The following ITPR1 variants were observed in gnomAD, a reference collection of about 807,000 sequenced individuals.
ITPR1 encodes the protein inositol 1,4,5-trisphosphate-gated calcium channel ITPR1.
ITPR1 carries 96 observed loss-of-function variants against 318.4 expected under a neutral mutation model. That is an observed-to-expected ratio of 0.30 (90% CI 0.26 to 0.36). The LOEUF (loss-of-function observed/expected upper bound fraction) is 0.36. ITPR1 is among the 10% of genes least tolerant of loss of function. The probability of loss-of-function intolerance (pLI) is 1.00; values close to 1 mark genes in which losing one functional copy is unlikely to be tolerated. For synonymous variants in ITPR1, 1,312 were observed against 1,289.9 expected (o/e 1.02, Z -0.37); for missense variants, 2,440 against 3,460.2 (o/e 0.71, Z 7.40).
At chr3:4,794,048 G>A (rs1299144309) in intron 52 of ITPR1, among the ~76,000 whole-genome samples, 2 of 152,134 alleles carry the variant, frequency 1.3e-5, no homozygotes, top group African/African-American at 2.4e-5. Context: ...ATATACGATC[G>A]AGATCCATTC....
At chr3:4,633,733 T>C (rs910251324) in intron 5 of ITPR1, among the ~76,000 whole-genome samples, 4 of 152,244 alleles carry the variant, frequency 2.6e-5, no homozygotes, top group African/African-American at 9.6e-5. Context: ...ATTACTACTG[T>C]TTTCTGACAG....
At chr3:4,552,178 GA>G (rs1298065795) in intron 4 of ITPR1, among the ~76,000 whole-genome samples, 1 of 152,174 alleles carries the variant, frequency 6.6e-6, no homozygotes, top group Non-Finnish European at 1.5e-5. Flanking sequence ...CGGGGTGGGG[GA>G]AATTCTCCCC....
chr3:4,589,419 A>G (rs2172450), intron 4 of ITPR1, among the ~76,000 whole-genome samples: 20,592 of 152,136 alleles, frequency 0.14, 2,262 homozygotes, highest in East Asian at 0.4. Flanking sequence ...GGAGCCAGCA[A>G]CATTGACATT....
chr3:4,814,897 G>T lies in ITPR1; in HGVS notation c.7702-156G>T, dbSNP rs1229591538. On this transcript the variant is annotated intron_variant, in intron 58 of 61. Coordinates refer to ENST00000649015, the MANE Select transcript of ITPR1 (RefSeq NM_001378452.1). ...CTTGGAGAAGTCGCAATTGAGACAG[G>T]GGACATGAAAAGAGATGCAGTTTTC... 8 of 688,256 alleles carry T rather than the reference G, an allele frequency of 1.2e-5. No individual in the cohort carries two copies. In the East Asian group the frequency reaches 2.0e-4, roughly 17 times the overall value. The allele number at this position is 688,256 out of a possible 1,614,324, so 42.6% of individuals were successfully genotyped here.
chr3:4,544,636 T>G (rs528608906), intron 4 of ITPR1, among the ~76,000 whole-genome samples: 1 of 152,250 alleles, frequency 6.6e-6, no homozygotes, highest in Admixed American at 6.5e-5. Flanking sequence ...TGACCAAGTT[T>G]GGGAGGGATC....
rs563233960 is a variant in ITPR1, at chr3:4,782,486, C to G, written c.6388-133C>G. On this transcript the variant is annotated intron_variant, in intron 49 of 61. Transcript: ENST00000649015. ...GTCATGAAGGATTCTGAGGCTGTGTCCAAGCCCGATAGGAGAGAGTGCGGA... is the reference window on the plus strand; with the variant it reads ...GTCATGAAGGATTCTGAGGCTGTGTGCAAGCCCGATAGGAGAGAGTGCGGA... The G allele has an allele frequency of 4.1e-5, 35 of 851,746 alleles. No homozygotes were observed. The African/African-American group carries it at 5.7e-4, about 14-fold the overall frequency. 52.8% of individuals were successfully genotyped at this position (851,746 alleles called of 1,614,324 possible). A position where few individuals can be genotyped will look rare whatever the true frequency, so the allele number is the denominator to read the frequency against.
chr3:4,550,296 C>A (rs543926552), intron 4 of ITPR1, among the ~76,000 whole-genome samples: 10 of 152,312 alleles, frequency 6.6e-5, no homozygotes, highest in African/African-American at 2.4e-4. Context: ...ACAGCAGAAA[C>A]ACTGTAGGCA....
chr3:4,537,973 A>G (rs895131925), intron 4 of ITPR1, among the ~76,000 whole-genome samples: 1 of 152,176 alleles, frequency 6.6e-6, no homozygotes, highest in Non-Finnish European at 1.5e-5. Context: ...AAAGAAACAA[A>G]TTTTGGCTTT....
chr3:4,728,395 T>C (rs1437166311), intron 42 of ITPR1, among the ~76,000 whole-genome samples: 1 of 152,228 alleles, frequency 6.6e-6, no homozygotes, highest in East Asian at 1.9e-4. Flanking sequence ...AAAAATGACC[T>C]GTCATTATGA....
At chr3:4,614,863 C>T (rs1028477220) in intron 4 of ITPR1, among the ~76,000 whole-genome samples, 4 of 152,102 alleles carry the variant, frequency 2.6e-5, no homozygotes, top group Non-Finnish European at 2.9e-5. Flanking sequence ...TTTTTTTCAG[C>T]GTTTTCTTGG....
At chr3:4,739,250 C>T (rs906929065) in intron 44 of ITPR1, among the ~76,000 whole-genome samples, 1 of 152,182 alleles carries the variant, frequency 6.6e-6, no homozygotes, top group Non-Finnish European at 1.5e-5. Context: ...TTAATGATTG[C>T]TGAGATGCTT....
At chr3:4,704,196 T>A (rs1040614478) in intron 36 of ITPR1, among the ~76,000 whole-genome samples, 35 of 152,192 alleles carry the variant, frequency 2.3e-4, no homozygotes, top group African/African-American at 8.2e-4. Flanking sequence ...GCAGATCACC[T>A]GAGGTTGGGA....
intron 4 of ITPR1, among the ~76,000 whole-genome samples, chr3:4,613,364 G>A (rs1414661338): frequency 6.6e-6 from 1 of 152,174 alleles, no homozygotes; most frequent in Non-Finnish European, 1.5e-5. Flanking sequence ...TAGAATGGGA[G>A]GCTGGATTGC....
intron 5 of ITPR1, among the ~76,000 whole-genome samples, chr3:4,630,257 G>A (rs1431852343): frequency 6.6e-6 from 1 of 152,088 alleles, no homozygotes; most frequent in Non-Finnish European, 1.5e-5. Flanking sequence ...GTAGGTATAT[G>A]GTATTGGCAG....
chr3:4,747,963 C>T (rs1291212098), intron 44 of ITPR1, among the ~76,000 whole-genome samples: 1 of 152,234 alleles, frequency 6.6e-6, no homozygotes, highest in Non-Finnish European at 1.5e-5. Flanking sequence ...GCACCAGATA[C>T]TCCCCACATC....
At chr3:4,642,279 T>C (rs2125153183) in intron 7 of ITPR1, 28 bp downstream of exon 7, 1 of 1,482,548 alleles carries the variant, frequency 6.7e-7, no homozygotes, top group Non-Finnish European at 9.0e-7. Context: ...ACCTAGAAAG[T>C]CTTCCGTGCC....
At chr3:4,758,070 A>G (rs1194097999) in intron 44 of ITPR1, among the ~76,000 whole-genome samples, 3 of 152,180 alleles carry the variant, frequency 2.0e-5, no homozygotes, top group African/African-American at 7.2e-5. Flanking sequence ...ACTGTTTGGC[A>G]GCCACATTTT....
At chr3:4,702,795 C>A in intron 35 of ITPR1, 35 bp from the exon 36 acceptor site, 1 of 1,605,626 alleles carries the variant, frequency 6.2e-7, no homozygotes, top group South Asian at 1.1e-5. Context: ...AAATAAAAAT[C>A]TGTTTTTCAC....
chr3:4,533,753 T>G lies in ITPR1; in HGVS notation c.163+12659T>G, dbSNP rs1458618092. ...GCCTGGTAACCAGCTATGACAGAGCTTGGGGCTATTAGAAAAGAAGCCATC... is the reference window on the plus strand; with the variant it reads ...GCCTGGTAACCAGCTATGACAGAGCGTGGGGCTATTAGAAAAGAAGCCATC... On this transcript the variant is annotated intron_variant, in intron 4 of 61. Coordinates refer to ENST00000649015, the MANE Select transcript of ITPR1 (RefSeq NM_001378452.1). 2.6e-5 allele frequency among the ~76,000 whole-genome samples: 4 copies of G among 152,194 alleles called. No individual in the cohort carries two copies. In the East Asian group the frequency reaches 7.7e-4, roughly 29 times the overall value.
Sources: allele counts gnomAD v4.1 joint callset (sites outside exome capture counted in the v4.1 genomes callset), GRCh38; gene constraint gnomAD v4.1.1; transcripts MANE v1.5; gene names NCBI Gene and HGNC (gene_info 2026-07-23, HGNC 2026-07-21).